Variants in PRPF3 observed in about 807,000 individuals in gnomAD.
PRPF3 encodes U4/U6 small nuclear ribonucleoprotein Prp3.
A neutral mutation model predicts 89.2 loss-of-function variants in PRPF3; 3 were observed. The observed-to-expected ratio is 0.03, with a 90% CI of 0.02 to 0.09. The LOEUF (loss-of-function observed/expected upper bound fraction) is 0.09, where lower values mean the gene tolerates loss of function less well. PRPF3 is among the 10% of genes least tolerant of loss of function. The probability of loss-of-function intolerance (pLI) is 1.00; values close to 1 mark genes in which losing one functional copy is unlikely to be tolerated. For synonymous variants in PRPF3, 270 were observed against 289.1 expected, an observed-to-expected ratio of 0.93 and a Z score of 0.67; for missense variants, 463 against 828.8, an observed-to-expected ratio of 0.56 and a Z score of 5.42.
intron 14 of PRPF3, among the ~76,000 whole-genome samples, chr1:150,348,097 G>C (rs1361851254): frequency 7.2e-5 from 11 of 152,078 alleles, no homozygotes; most frequent in Non-Finnish European, 1.5e-4. Context: ...AAAATCTGCA[G>C]AGAGGCCTGG....
At chr1:150,337,782 T>G (rs1278390471) in intron 7 of PRPF3, among the ~76,000 whole-genome samples, 1 of 139,398 alleles carries the variant, frequency 7.2e-6, no homozygotes, top group Non-Finnish European at 1.6e-5. Context: ...AAAAAAAATA[T>G]TTGGGATTCT....
intron 3 of PRPF3, 103 bp downstream of exon 3, chr1:150,325,984 C>A: frequency 7.0e-7 from 1 of 1,432,264 alleles, no homozygotes; most frequent in Non-Finnish European, 9.7e-7. Context: ...TTTAGAGCAG[C>A]AAATGTTCAA....
At position 150,332,747 on chromosome 1, in the gene PRPF3, A is replaced by C; in HGVS notation, c.487A>C (p.Ile163Leu). The C allele has an allele frequency of 1.9e-6, 3 of 1,614,138 alleles. No homozygotes were observed. The highest frequency in any genetic ancestry group is 2.5e-6 in the Non-Finnish European group (3 of 1,180,018). Residue 163 changes from isoleucine (I) to leucine (L), a missense_variant, in exon 5 of 16, where the codon ATT (isoleucine) becomes CTT (leucine). Coordinates refer to ENST00000324862, the MANE Select transcript of PRPF3 (RefSeq NM_004698.4). ...GGAGAGGAAAAAACAGCTGAGCTTC[A>C]TTAGCCCCCCTACACCTCAGGTATT... is the stretch of plus-strand genomic sequence containing the variant. ...IEERKKQLSF[I>L]SPPTPQPKTP...
In PRPF3 at chr1:150,343,434, C is replaced by G; in HGVS notation, c.1408C>G (p.Pro470Ala). Residue 470 changes from proline (P) to alanine (A), a missense_variant, in exon 10 of 16, where the codon CCT becomes GCT. This residue lies in a region of PRPF3 where 261 missense variants were observed against 475.8 expected (regional missense o/e 0.55). Transcript: ENST00000324862. ...AGAAAAAGTCAGGCTGGGCCTGATGCCTCCTCCAGAACCCAAAGGTGCATT... is the reference window on the plus strand; with the variant it reads ...AGAAAAAGTCAGGCTGGGCCTGATGGCTCCTCCAGAACCCAAAGGTGCATT... ...LQEKVRLGLMPPPEPKVRISN... is the reference protein window; with the variant it reads ...LQEKVRLGLMAPPEPKVRISN... 1 of 1,613,312 alleles carries G rather than the reference C, an allele frequency of 6.2e-7. No homozygotes were observed. The highest frequency in any genetic ancestry group is 2.2e-5 in the East Asian group (1 of 44,842).
chr1:150,342,680 G>A (rs183966726), intron 9 of PRPF3, among the ~76,000 whole-genome samples: 21 of 152,002 alleles, frequency 1.4e-4, no homozygotes, highest in African/African-American at 4.8e-4. Context: ...GTGCCACCAC[G>A]CCCAGCTAAT....
At chr1:150,332,328 T>C (rs1194698075) in intron 4 of PRPF3, among the ~76,000 whole-genome samples, 1 of 152,222 alleles carries the variant, frequency 6.6e-6, no homozygotes, top group African/African-American at 2.4e-5. Context: ...GGTACTGTTT[T>C]CTTCCCCCTT....
chr1:150,323,972 G>T (rs1247846348), intron 1 of PRPF3, among the ~76,000 whole-genome samples: 4 of 151,702 alleles, frequency 2.6e-5, no homozygotes, highest in Non-Finnish European at 5.9e-5. Context: ...GTAGAGATGG[G>T]GTTTCACCAT....
At chr1:150,343,746 C>T (rs1435208046) in intron 10 of PRPF3, among the ~76,000 whole-genome samples, 3 of 152,164 alleles carry the variant, frequency 2.0e-5, no homozygotes, top group African/African-American at 7.2e-5. Flanking sequence ...TTTGCGTAGA[C>T]TTTTTATGTA....
chr1:150,331,259 G>A (rs191442951), intron 4 of PRPF3, among the ~76,000 whole-genome samples: 31 of 152,010 alleles, frequency 2.0e-4, no homozygotes, highest in African/African-American at 3.4e-4. Context: ...GGATGGTCTC[G>A]ATCTCCTGAC....
intron 14 of PRPF3, among the ~76,000 whole-genome samples, chr1:150,348,392 T>A (rs897862904): frequency 3.4e-5 from 5 of 147,002 alleles, no homozygotes; most frequent in African/African-American, 7.5e-5. Flanking sequence ...AATAAAAATA[T>A]AAATAAAATC....
chr1:150,346,995 G>A (rs1296347048), intron 14 of PRPF3, among the ~76,000 whole-genome samples: 1 of 152,118 alleles, frequency 6.6e-6, no homozygotes, highest in African/African-American at 2.4e-5. Context: ...GGAAGCTGAG[G>A]TGGGAGGATC....
chr1:150,342,135 A>G (rs1340745786), intron 9 of PRPF3, among the ~76,000 whole-genome samples: 1 of 151,908 alleles, frequency 6.6e-6, no homozygotes, highest in Non-Finnish European at 1.5e-5. Flanking sequence ...TAATCCCAGC[A>G]CTTTGGGAGG....
At chr1:150,342,147 C>T (rs1027693706) in intron 9 of PRPF3, among the ~76,000 whole-genome samples, 3 of 151,650 alleles carry the variant, frequency 2.0e-5, no homozygotes, top group Non-Finnish European at 4.4e-5. Flanking sequence ...TTTGGGAGGC[C>T]GAGGCGGGCA....
At chr1:150,326,727 T>C (rs16835995) in intron 3 of PRPF3, among the ~76,000 whole-genome samples, 3,065 of 151,710 alleles carry the variant, frequency 0.02, 131 homozygotes, top group African/African-American at 0.071. Flanking sequence ...GTTTGGAGCA[T>C]TGTAGGGTGG....
At chr1:150,351,534 T>C (rs1159046105) in intron 15 of PRPF3, among the ~76,000 whole-genome samples, 1 of 151,998 alleles carries the variant, frequency 6.6e-6, no homozygotes, top group Non-Finnish European at 1.5e-5. Context: ...AGGGTCTTGC[T>C]CTATTGCTCA....
At chr1:150,335,665 G>A (rs1260409) in intron 7 of PRPF3, among the ~76,000 whole-genome samples, 69,390 of 151,526 alleles carry the variant, frequency 0.46, 16,762 homozygotes, top group East Asian at 0.76. Context: ...GGGTTTCTCC[G>A]TGTTGGTCAG....
At chr1:150,335,468 A>C (rs1656859615) in intron 7 of PRPF3, among the ~76,000 whole-genome samples, 1 of 151,882 alleles carries the variant, frequency 6.6e-6, no homozygotes, top group Non-Finnish European at 1.5e-5. Flanking sequence ...GTACTTTATT[A>C]TTATTATTTT....
intron 5 of PRPF3, 51 bp from the exon 6 acceptor site, chr1:150,332,928 T>C (rs1427763104): frequency 1.3e-6 from 2 of 1,554,520 alleles, no homozygotes; most frequent in Non-Finnish European, 1.8e-6. Flanking sequence ...TATGTATGTG[T>C]GTTTGTCTGC....
intron 15 of PRPF3, among the ~76,000 whole-genome samples, chr1:150,350,346 C>T (rs1658797616): frequency 1.3e-5 from 2 of 152,006 alleles, no homozygotes; most frequent in Non-Finnish European, 2.9e-5. Flanking sequence ...GAATTACAGG[C>T]ATGAGCCACC....
Sources: allele counts gnomAD v4.1 joint callset (sites outside exome capture counted in the v4.1 genomes callset), GRCh38; gene constraint gnomAD v4.1.1; regional missense constraint gnomAD v4.1.1; transcripts MANE v1.5; gene names NCBI Gene and HGNC (gene_info 2026-07-23, HGNC 2026-07-21).